The following CCSER1 variants were observed in gnomAD, a reference collection of about 807,000 sequenced individuals.
CCSER1 encodes the protein serine-rich coiled-coil domain-containing protein 1.
In CCSER1, 41 loss-of-function variants were observed where a neutral mutation model predicts 82.0. The observed-to-expected ratio is 0.50, with a 90% CI of 0.39 to 0.65. The LOEUF (loss-of-function observed/expected upper bound fraction) is 0.65, where lower values mean the gene tolerates loss of function less well. CCSER1 is among the 30% of genes least tolerant of loss of function. The pLI is 0.00. For missense variants in CCSER1, 1,119 were observed against 1,064.2 expected, an observed-to-expected ratio of 1.05 and a Z score of -0.72; for synonymous variants, 414 against 383.9, an observed-to-expected ratio of 1.08 and a Z score of -0.92.
intron 4 of CCSER1, among the ~76,000 whole-genome samples, chr4:90,402,183 T>A (rs1430866260): frequency 1.3e-5 from 2 of 152,306 alleles, no homozygotes; most frequent in African/African-American, 4.8e-5. Context: ...AATGGTCTGG[T>A]TTCTTCAAAA....
intron 10 of CCSER1, among the ~76,000 whole-genome samples, chr4:91,091,471 T>C (rs577269807): frequency 6.6e-6 from 1 of 152,346 alleles, no homozygotes; most frequent in East Asian, 1.9e-4. Context: ...TGACCTGATA[T>C]ATGCACTGAA....
At chr4:90,750,450 G>A (rs906370119) in intron 7 of CCSER1, among the ~76,000 whole-genome samples, 1 of 152,062 alleles carries the variant, frequency 6.6e-6, no homozygotes, top group South Asian at 2.1e-4. Context: ...CTTTTCTAAG[G>A]TCCCAGAGTA....
At chr4:90,777,815 T>A (rs926412294) in intron 7 of CCSER1, among the ~76,000 whole-genome samples, 19 of 152,160 alleles carry the variant, frequency 1.2e-4, no homozygotes, top group African/African-American at 4.6e-4. Context: ...ACAGTCCAAC[T>A]ATTGCTGAAG....
intron 8 of CCSER1, among the ~76,000 whole-genome samples, chr4:90,877,775 A>G (rs1376890211): frequency 6.6e-6 from 1 of 151,552 alleles, no homozygotes; most frequent in Non-Finnish European, 1.5e-5. Flanking sequence ...GAGATCTTGC[A>G]TGATACCACT....
chr4:90,128,494 C>CGTGTGTGTGT (rs147426828), intron 1 of CCSER1, among the ~76,000 whole-genome samples: 27 of 150,066 alleles, frequency 1.8e-4, no homozygotes, highest in South Asian at 1.1e-3. Context: ...AGGTTGTGTG[C>CGTGTGTGTGT]GTGTGTGTGT....
intron 10 of CCSER1, among the ~76,000 whole-genome samples, chr4:91,285,045 A>T (rs1743178333): frequency 6.6e-6 from 1 of 152,132 alleles, no homozygotes; most frequent in African/African-American, 2.4e-5. Flanking sequence ...TGAACAGAAG[A>T]TGGGGTTTAG....
chr4:91,295,918 T>G (rs2149227066), intron 10 of CCSER1, among the ~76,000 whole-genome samples: 1 of 151,962 alleles, frequency 6.6e-6, no homozygotes, highest in Non-Finnish European at 1.5e-5. Context: ...AAATACAAAT[T>G]AAAACAAAAA....
At chr4:90,661,778 A>T (rs182284747) in intron 6 of CCSER1, among the ~76,000 whole-genome samples, 2 of 150,770 alleles carry the variant, frequency 1.3e-5, no homozygotes, top group South Asian at 2.1e-4. Flanking sequence ...TTTGTTCTTT[A>T]AAAAAACCCA....
At chr4:91,303,263 C>T (rs1744804994) in intron 10 of CCSER1, among the ~76,000 whole-genome samples, 1 of 151,904 alleles carries the variant, frequency 6.6e-6, no homozygotes, top group South Asian at 2.1e-4. Context: ...TCAGTCATTG[C>T]TATTGCCTCA....
At chr4:90,491,424 G>C (rs373857680) in intron 5 of CCSER1, among the ~76,000 whole-genome samples, 3 of 151,996 alleles carry the variant, frequency 2.0e-5, no homozygotes, top group Non-Finnish European at 4.4e-5. Context: ...GGCCTGAGAC[G>C]ATGGGGTTTT....
intron 7 of CCSER1, among the ~76,000 whole-genome samples, chr4:90,771,003 GT>G (rs1301410689): frequency 6.6e-6 from 1 of 152,070 alleles, no homozygotes; most frequent in African/African-American, 2.4e-5. Flanking sequence ...GAGGTGAGTA[GT>G]TTTTTAATCA....
At chr4:90,981,920 A>G (rs1029394516) in intron 9 of CCSER1, among the ~76,000 whole-genome samples, 4 of 151,846 alleles carry the variant, frequency 2.6e-5, no homozygotes, top group Non-Finnish European at 5.9e-5. Flanking sequence ...GAGAGTAGCT[A>G]CATTTGAGCT....
intron 9 of CCSER1, among the ~76,000 whole-genome samples, chr4:91,009,028 C>G (rs191735881): frequency 2.6e-5 from 4 of 152,176 alleles, no homozygotes; most frequent in African/African-American, 9.7e-5. Context: ...TTAGCCTGAT[C>G]GGGAGCGGCA....
rs113631267 is a variant in CCSER1 at position 90,815,526 on chromosome 4, ATG to A, written c.2011-216_2011-215del. On this transcript the variant is annotated intron_variant, in intron 7 of 10. Transcript: ENST00000509176. ...TAAGCAAAAACATATGTGTGTGTGG[ATG>A]TGTGTGTGTGTGTGTGTGTCTACAT... 1.4e-3 allele frequency among the ~76,000 whole-genome samples: 205 copies of A among 150,658 alleles called. 1 individual carries two copies. Among genetic ancestry groups the A allele is most frequent in the African/African-American group, 4.5e-3 (183 of 41,114 alleles).
rs139398773 is a variant in CCSER1, at chr4:91,067,022, G to A, written c.2173-18928G>A. The stretch of plus-strand genomic sequence containing the variant: ...TTACTAAAAATACAAAAAATTAGCC[G>A]GGCATGGTGGCAGGTGCCTGTAGTC... On this transcript the variant is annotated intron_variant, in intron 9 of 10. Transcript: ENST00000509176. Among the ~76,000 whole-genome samples, 400 of 152,136 alleles carry A rather than the reference G, an allele frequency of 2.6e-3. 5 individuals are homozygous for A. Among genetic ancestry groups the A allele is most frequent in the Admixed American group, 0.017 (261 of 15,286 alleles).
chr4:91,443,322 A>G (rs1160333186), intron 10 of CCSER1, among the ~76,000 whole-genome samples: 1 of 152,198 alleles, frequency 6.6e-6, no homozygotes, highest in Non-Finnish European at 1.5e-5. Flanking sequence ...TGTGCTTTGT[A>G]GAGACATGGA....
At chr4:90,864,347 T>A (rs1266760578) in intron 8 of CCSER1, among the ~76,000 whole-genome samples, 1 of 152,034 alleles carries the variant, frequency 6.6e-6, no homozygotes, top group East Asian at 1.9e-4. Flanking sequence ...CAACCTCCAA[T>A]GCAACAGTGT....
chr4:90,334,613 C>A (rs1740017683), intron 3 of CCSER1, among the ~76,000 whole-genome samples: 1 of 151,764 alleles, frequency 6.6e-6, no homozygotes, highest in South Asian at 2.1e-4. Context: ...TTCAATTATG[C>A]ATTGTTTTAT....
intron 3 of CCSER1, among the ~76,000 whole-genome samples, chr4:90,385,336 C>T (rs1326767054): frequency 6.6e-6 from 1 of 150,612 alleles, no homozygotes; most frequent in Non-Finnish European, 1.5e-5. Context: ...TACTAATTTA[C>T]ATTCCCACCA....
Sources: gnomAD v4.1 joint callset for allele counts (sites outside exome capture counted in the v4.1 genomes callset) on GRCh38, gnomAD v4.1.1 for gene constraint, MANE v1.5 for transcripts, NCBI Gene and HGNC (gene_info 2026-07-23, HGNC 2026-07-21) for gene names.